The following KALRN variants were observed in gnomAD, a reference collection of about 807,000 sequenced individuals.
KALRN encodes kalirin.
KALRN carries 70 observed loss-of-function variants against 353.7 expected under a neutral mutation model. That is an observed-to-expected ratio of 0.20 (90% CI 0.16 to 0.24). The LOEUF (loss-of-function observed/expected upper bound fraction) is 0.24, where lower values mean the gene tolerates loss of function less well. Ranked by LOEUF, KALRN falls within the 10% of genes least tolerant of loss-of-function variation. The pLI, the probability that KALRN is intolerant of heterozygous loss-of-function variation, is 1.00. For synonymous variants in KALRN, 1,391 were observed against 1,434.8 expected (o/e 0.97, Z 0.69); for missense variants, 2,791 against 3,756.7 (o/e 0.74, Z 6.72).
At chr3:124,594,546 A>G (rs2076097286) in intron 34 of KALRN, among the ~76,000 whole-genome samples, 2 of 152,240 alleles carry the variant, frequency 1.3e-5, no homozygotes, top group Admixed American at 1.3e-4. Context: ...TTCAATGACT[A>G]TAAAAGTGTT....
chr3:124,534,548 A>AAT (rs1561239336), intron 33 of KALRN, among the ~76,000 whole-genome samples: 1 of 152,216 alleles, frequency 6.6e-6, no homozygotes, highest in Non-Finnish European at 1.5e-5. Context: ...AATAAAATAA[A>AAT]AATGAGTCAT....
chr3:124,575,299 G>A (rs536205446), intron 34 of KALRN, among the ~76,000 whole-genome samples: 26 of 152,312 alleles, frequency 1.7e-4, no homozygotes, highest in African/African-American at 4.6e-4. Context: ...ACAGGAGGGC[G>A]AACAGATAAT....
At chr3:124,071,788 G>T (rs558710736) in intron 1 of KALRN, among the ~76,000 whole-genome samples, 3 of 152,310 alleles carry the variant, frequency 2.0e-5, no homozygotes, top group African/African-American at 7.2e-5. Flanking sequence ...CTAAATTTTG[G>T]AGGGGATACA....
intron 14 of KALRN, among the ~76,000 whole-genome samples, chr3:124,416,781 T>A (rs145617587): frequency 6.6e-6 from 1 of 152,352 alleles, no homozygotes; most frequent in African/African-American, 2.4e-5. Context: ...ATAAATGGCT[T>A]GGGGATTTAT....
intron 25 of KALRN, among the ~76,000 whole-genome samples, chr3:124,472,094 A>T (rs374043926): frequency 3.3e-5 from 5 of 152,044 alleles, no homozygotes; most frequent in African/African-American, 1.2e-4. Context: ...GCATCTTCCC[A>T]TAGGTTTTTG....
rs1235887134 is a variant in KALRN, at chr3:124,462,642, G to A, written c.4031+9G>A. The A allele has an allele frequency of 3.3e-6, 5 of 1,526,478 alleles. No individual in the cohort carries two copies. Among genetic ancestry groups the A allele is most frequent in the Non-Finnish European group, 2.7e-6 (3 of 1,100,428 alleles). 94.6% of individuals were successfully genotyped at this position (1,526,478 alleles called of 1,614,324 possible). A position where few individuals can be genotyped will look rare whatever the true frequency, so the allele number is the denominator to read the frequency against. On this transcript the variant is annotated intron_variant, in intron 25 of 59. Coordinates refer to ENST00000682506, the MANE Select transcript of KALRN (RefSeq NM_001388419.1). ...TACGATTTCCATAACAAGTAGGTTT[G>A]TGGAGGGTCTCAGAGGTGCACACTT...
At chr3:124,632,728 G>A in intron 35 of KALRN, 25 bp downstream of exon 35, 1 of 1,603,212 alleles carries the variant, frequency 6.2e-7, no homozygotes. Context: ...CCCTGGAGTT[G>A]TCCATCAGGA....
chr3:124,592,121 T>C (rs1435049895), intron 34 of KALRN, among the ~76,000 whole-genome samples: 2 of 151,770 alleles, frequency 1.3e-5, no homozygotes, highest in Non-Finnish European at 2.9e-5. Flanking sequence ...GCCAACATAG[T>C]GAAACCCCCG....
chr3:124,292,572 T>C (rs921780471), intron 5 of KALRN, among the ~76,000 whole-genome samples: 16 of 151,592 alleles, frequency 1.1e-4, no homozygotes, highest in Admixed American at 9.9e-4. Context: ...GGTCTCTGAG[T>C]GCGTGAAGGT....
chr3:124,399,624 A>T (rs1478952224), intron 13 of KALRN, among the ~76,000 whole-genome samples: 1 of 152,250 alleles, frequency 6.6e-6, no homozygotes, highest in East Asian at 1.9e-4. Context: ...ATTCAATCAC[A>T]CAGCAGTTAA....
intron 14 of KALRN, among the ~76,000 whole-genome samples, chr3:124,419,001 G>A (rs2092649935): frequency 6.6e-6 from 1 of 151,776 alleles, no homozygotes; most frequent in South Asian, 2.1e-4. Context: ...GAACCCAGGA[G>A]GCAGAGGTTG....
At chr3:124,205,166 C>T (rs1406283239) in intron 1 of KALRN, among the ~76,000 whole-genome samples, 1 of 152,098 alleles carries the variant, frequency 6.6e-6, no homozygotes, top group East Asian at 1.9e-4. Context: ...GAATAAAAGC[C>T]CTGGTTGTGG....
intron 10 of KALRN, among the ~76,000 whole-genome samples, chr3:124,370,257 T>C (rs1454822104): frequency 6.6e-6 from 1 of 151,960 alleles, no homozygotes; most frequent in East Asian, 1.9e-4. Flanking sequence ...ACAAAAAAGA[T>C]ACCAGAAGGA....
At chr3:124,629,522 A>G (rs189327781) in intron 34 of KALRN, among the ~76,000 whole-genome samples, 6 of 152,248 alleles carry the variant, frequency 3.9e-5, no homozygotes, top group Admixed American at 3.3e-4. Flanking sequence ...ATTTCATCCA[A>G]AGGATCTATT....
chr3:124,416,035 T>A (rs1427197844), intron 14 of KALRN, among the ~76,000 whole-genome samples: 3 of 152,232 alleles, frequency 2.0e-5, no homozygotes, highest in Non-Finnish European at 1.5e-5. Flanking sequence ...CCCCATGGCC[T>A]GCCCTCATGG....
chr3:124,675,817 C>T (rs897127871), intron 49 of KALRN, among the ~76,000 whole-genome samples: 8 of 152,084 alleles, frequency 5.3e-5, no homozygotes, highest in Non-Finnish European at 7.4e-5. Context: ...CATAGTAATC[C>T]ATGGAAGACG....
intron 4 of KALRN, chr3:124,268,510 A>G: frequency 1.8e-6 from 1 of 553,054 alleles, no homozygotes; most frequent in Non-Finnish European, 3.2e-6. Flanking sequence ...CTGGGGTGGT[A>G]AATGGCTGGC....
At chr3:124,714,651 A>T (rs938767584) in intron 58 of KALRN, among the ~76,000 whole-genome samples, 1 of 152,174 alleles carries the variant, frequency 6.6e-6, no homozygotes, top group Non-Finnish European at 1.5e-5. Flanking sequence ...TACCATCCAG[A>T]CCAGGGCCAG....
At chr3:124,384,575 A>C (rs565879384) in intron 10 of KALRN, 69 of 324,910 alleles carry the variant, frequency 2.1e-4, no homozygotes, top group Middle Eastern at 1.6e-3. Flanking sequence ...TGGGGTATGG[A>C]GGTTCTCTAC....
Sources: allele counts gnomAD v4.1 joint callset (sites outside exome capture counted in the v4.1 genomes callset), GRCh38; gene constraint gnomAD v4.1.1; transcripts MANE v1.5; gene names NCBI Gene and HGNC (gene_info 2026-07-23, HGNC 2026-07-21).